Variants in SPATA6 observed in about 807,000 individuals in gnomAD.
SPATA6 encodes the protein spermatogenesis associated 6, also known as spermatogenesis-associated protein 6.
A neutral mutation model predicts 65.3 loss-of-function variants in SPATA6; 56 were observed. The ratio of observed to expected loss-of-function variants is 0.86; its 90% CI spans 0.69 to 1.07. The LOEUF (loss-of-function observed/expected upper bound fraction) is 1.07, where lower values mean the gene tolerates loss of function less well. Among genes scored for constraint, SPATA6 ranks in the 50% least tolerant of loss-of-function variants. The pLI, the probability that SPATA6 is intolerant of heterozygous loss-of-function variation, is 0.00. For missense variants in SPATA6, 590 were observed against 594.8 expected, an observed-to-expected ratio of 0.99 and a Z score of 0.08; for synonymous variants, 199 against 213.2, an observed-to-expected ratio of 0.93 and a Z score of 0.58.
the SPATA6 span, among the ~76,000 whole-genome samples, chr1:48,282,765 GT>G: frequency 9.2e-5 from 14 of 152,290 alleles, no homozygotes; most frequent in East Asian, 1.4e-3. Flanking sequence ...CATTGTGGAA[GT>G]CAGTGTGGCG....
intron 9 of SPATA6, among the ~76,000 whole-genome samples, chr1:48,369,250 T>G (rs1379458436): frequency 6.6e-6 from 1 of 152,188 alleles, no homozygotes; most frequent in Non-Finnish European, 1.5e-5. Context: ...GGGACCCACT[T>G]AAGGAGGCAG....
chr1:48,284,804 C>T, the SPATA6 span, among the ~76,000 whole-genome samples: 2 of 152,196 alleles, frequency 1.3e-5, no homozygotes, highest in African/African-American at 4.8e-5. Flanking sequence ...CCTCTGGAAG[C>T]TTTGTCTCAG....
chr1:48,326,125 T>G (rs1645752936), intron 11 of SPATA6: 1 of 154,910 alleles, frequency 6.5e-6, no homozygotes, highest in Admixed American at 6.5e-5. Context: ...TGCCACCATC[T>G]TGCATCTTCC....
the SPATA6 span, among the ~76,000 whole-genome samples, chr1:48,279,491 AC>A: frequency 6.6e-6 from 1 of 152,218 alleles, no homozygotes; most frequent in Non-Finnish European, 1.5e-5. Flanking sequence ...AGGAAGATCT[AC>A]CAAGTAAATG....
chr1:48,287,626 C>T, the SPATA6 span, among the ~76,000 whole-genome samples: 4 of 152,196 alleles, frequency 2.6e-5, no homozygotes, highest in Admixed American at 6.5e-5. Context: ...CTCTCTTGCT[C>T]CCTTTCTTGC....
rs566748862 is a variant in SPATA6 at position 48,427,202 on chromosome 1, A to G, written c.239-14051T>C. Among the ~76,000 whole-genome samples the G allele has an allele frequency of 2.6e-5, 4 of 152,304 alleles. 1 individual carries two copies. In the East Asian group the frequency reaches 7.7e-4, roughly 29 times the overall value. Reference sequence around the variant, plus strand: ...CTACGCTTCCCAAAGTGCTGGGATTATATTTATGAGCTACCACACACCCAA... The same window carrying G: ...CTACGCTTCCCAAAGTGCTGGGATTGTATTTATGAGCTACCACACACCCAA... On this transcript the variant is annotated intron_variant, in intron 3 of 12. Transcript: ENST00000371847.
intron 11 of SPATA6, among the ~76,000 whole-genome samples, chr1:48,314,794 G>A (rs1301947756): frequency 6.6e-6 from 1 of 151,966 alleles, no homozygotes; most frequent in East Asian, 1.9e-4. Context: ...TAGACCGCTA[G>A]CAACACTAAT....
intron 3 of SPATA6, among the ~76,000 whole-genome samples, chr1:48,435,209 T>C (rs1225791341): frequency 2.6e-5 from 4 of 152,132 alleles, no homozygotes; most frequent in Non-Finnish European, 5.9e-5. Context: ...AAGTGAGAGG[T>C]GAAGCCAGCT....
At chr1:48,373,313 C>A (rs888137571) in intron 9 of SPATA6, among the ~76,000 whole-genome samples, 2 of 152,186 alleles carry the variant, frequency 1.3e-5, no homozygotes, top group African/African-American at 2.4e-5. Flanking sequence ...AGGGCAGGGG[C>A]AAAATGCCGC....
At chr1:48,437,228 G>A (rs1287899794) in intron 3 of SPATA6, 3 of 1,612,438 alleles carry the variant, frequency 1.9e-6, no homozygotes, top group Non-Finnish European at 8.5e-7. Flanking sequence ...TTCTAGGGCT[G>A]CCAAATCATT....
rs781570764 is a variant in SPATA6 at position 48,472,022 on chromosome 1, G to C, written c.-14C>G. ...CACCTTCGGCATCCGTGCGGGGAGG[G>C]GCGGCGGGGAGTGACCCCGGCCACG... On this transcript the variant is annotated 5_prime_UTR_variant, in exon 1 of 13. Transcript: ENST00000371847. The C allele has an allele frequency of 2.7e-5, 41 of 1,532,376 alleles. No homozygotes were observed. The South Asian group carries it at 2.8e-4, about 10-fold the overall frequency. 94.9% of individuals were successfully genotyped at this position (1,532,376 alleles called of 1,614,324 possible).
At chr1:48,463,460 A>G (rs1314603636) in intron 1 of SPATA6, among the ~76,000 whole-genome samples, 2 of 152,110 alleles carry the variant, frequency 1.3e-5, no homozygotes, top group African/African-American at 4.8e-5. Context: ...AAATCATAAT[A>G]AAAATTATAA....
intron 1 of SPATA6, among the ~76,000 whole-genome samples, chr1:48,464,515 C>G (rs1293545627): frequency 1.3e-5 from 2 of 152,048 alleles, no homozygotes; most frequent in Non-Finnish European, 2.9e-5. Context: ...TTTGTAATAT[C>G]CCCAAACTAG....
chr1:48,471,510 G>T (rs969978364), intron 1 of SPATA6, among the ~76,000 whole-genome samples: 2 of 152,064 alleles, frequency 1.3e-5, no homozygotes, highest in African/African-American at 4.8e-5. Context: ...GTTTGAAACT[G>T]GTCTGAAATG....
At chr1:48,422,458 C>T (rs1182714089) in intron 3 of SPATA6, among the ~76,000 whole-genome samples, 3 of 152,106 alleles carry the variant, frequency 2.0e-5, no homozygotes, top group Non-Finnish European at 4.4e-5. Context: ...GCAGGGTCTA[C>T]CAAGAAGAGG....
At chr1:48,302,459 A>C (rs899908332) in intron 12 of SPATA6, among the ~76,000 whole-genome samples, 2 of 152,182 alleles carry the variant, frequency 1.3e-5, no homozygotes, top group Non-Finnish European at 2.9e-5. Flanking sequence ...GCTCCCATTT[A>C]CAATGAGAAC....
the SPATA6 span, among the ~76,000 whole-genome samples, chr1:48,264,113 T>C: frequency 1.3e-5 from 2 of 152,166 alleles, no homozygotes; most frequent in Admixed American, 6.5e-5. Flanking sequence ...AGATGAGAAA[T>C]GGCTGGAGAA....
At chr1:48,281,760 C>T in the SPATA6 span, among the ~76,000 whole-genome samples, 1 of 151,946 alleles carries the variant, frequency 6.6e-6, no homozygotes, top group Non-Finnish European at 1.5e-5. Context: ...CCATACTGCC[C>T]AAGGTAATTT....
chr1:48,398,024 G>A (rs1287990602), intron 7 of SPATA6, among the ~76,000 whole-genome samples: 2 of 151,544 alleles, frequency 1.3e-5, no homozygotes, highest in African/African-American at 4.8e-5. Context: ...TCCTTCAGAT[G>A]AAAATATAGT....
Sources: allele counts gnomAD v4.1 joint callset (sites outside exome capture counted in the v4.1 genomes callset), GRCh38; gene constraint gnomAD v4.1.1; transcripts MANE v1.5; gene names NCBI Gene and HGNC (gene_info 2026-07-23, HGNC 2026-07-21).